Variants in RASAL1 observed in about 807,000 individuals in gnomAD.
The protein encoded by RASAL1 is rasGAP-activating-like protein 1.
Under a neutral mutation model 96.6 loss-of-function variants are expected in RASAL1, and 72 were observed. The observed-to-expected ratio is 0.75, with a 90% CI of 0.62 to 0.91. RASAL1 has a LOEUF of 0.91. Among genes scored for constraint, RASAL1 ranks in the 40% least tolerant of loss-of-function variants. RASAL1 has a pLI of 0.00. For synonymous variants in RASAL1, 405 were observed against 430.4 expected (o/e 0.94, Z 0.73); for missense variants, 1,016 against 1,072.5 (o/e 0.95, Z 0.74).
At position 113,113,812 on chromosome 12, in the gene RASAL1, C is replaced by A. The variant is rs115232526; in HGVS notation, c.1181+988G>T. On this transcript the variant is annotated intron_variant, in intron 12 of 20. Coordinates refer to ENST00000548055, the MANE Select transcript of RASAL1 (RefSeq NM_001301202.2). ...GTTCTGGAGAGAAAGGAGGAGCCCA[C>A]GGAGGGGTGGAATGACCCCCAGCCA... 5.1e-3 allele frequency among the ~76,000 whole-genome samples: 773 copies of A among 152,252 alleles called. 5 individuals carry two copies. The highest frequency in any genetic ancestry group is 0.018 in the African/African-American group (745 of 41,538).
At chr12:113,131,051 A>G (rs1298646615) in intron 1 of RASAL1, 110 bp from the exon 2 acceptor site, 2 of 777,624 alleles carry the variant, frequency 2.6e-6, no homozygotes, top group East Asian at 2.6e-5. Context: ...AGAGAAGGGG[A>G]CTTGCCCAGG....
intron 4 of RASAL1, among the ~76,000 whole-genome samples, 198 bp downstream of exon 4, chr12:113,127,614 C>A (rs1856418675): frequency 1.3e-5 from 2 of 152,208 alleles, no homozygotes; most frequent in African/African-American, 4.8e-5. Flanking sequence ...AGCACCACCG[C>A]ACTCCAGCCT....
intron 5 of RASAL1, among the ~76,000 whole-genome samples, chr12:113,121,212 G>A (rs1741533887): frequency 4.6e-5 from 7 of 152,184 alleles, no homozygotes; most frequent in Admixed American, 4.6e-4. Context: ...GCTTAAGCCA[G>A]TATGAGTTGG....
intron 12 of RASAL1, among the ~76,000 whole-genome samples, chr12:113,113,432 C>T (rs946176235): frequency 3.9e-5 from 6 of 152,186 alleles, no homozygotes; most frequent in African/African-American, 1.4e-4. Flanking sequence ...CTGTCCAGGT[C>T]CCTACATGCC....
At chr12:113,111,056 T>C (rs1180886568) in intron 13 of RASAL1, among the ~76,000 whole-genome samples, 1 of 152,158 alleles carries the variant, frequency 6.6e-6, no homozygotes, top group Non-Finnish European at 1.5e-5. Context: ...GGGGCTTCAG[T>C]TGGCCACAGT....
Position 113,099,792 on chromosome 12 carries a change from G to A in RASAL1, c.*137C>T. The stretch of plus-strand genomic sequence containing the variant: ...CTGAGTTCTGGACTCAAGGCACACA[G>A]GACTAGGCACGTCTCTGGGAGCCTC... On this transcript the variant is annotated 3_prime_UTR_variant, in exon 21 of 21. Coordinates refer to ENST00000548055, the MANE Select transcript of RASAL1 (RefSeq NM_001301202.2). 7.7e-7 allele frequency: 1 copy of A among 1,295,354 alleles called. No homozygotes were observed. The highest frequency in any genetic ancestry group is 1.1e-6 in the Non-Finnish European group (1 of 942,348). The allele number at this position is 1,295,354 out of a possible 1,614,324, so 80.2% of individuals were successfully genotyped here.
rs759275056 is a variant in RASAL1 at position 113,104,215 on chromosome 12, C to T, written c.1914G>A (p.Gln638=). The T allele has an allele frequency of 1.9e-6, 3 of 1,610,488 alleles. No homozygotes were observed. Among genetic ancestry groups the T allele is most frequent in the Admixed American group, 1.7e-5 (1 of 59,582 alleles). ...CCCCCGTGCCGTCCTGCGTCACCAC[C>T]TGCATCACGTGGGGCAGTTGGAAGG... is the stretch of plus-strand genomic sequence containing the variant. The part of the protein sequence containing the change: ...EGAFQLPHVM[Q]VVTQDGTGAL... The change falls in exon 17 of 21, where the codon CAG becomes CAA. Residue 638 remains glutamine, a synonymous_variant. Transcript: ENST00000548055.
intron 15 of RASAL1, among the ~76,000 whole-genome samples, 182 bp downstream of exon 15, chr12:113,106,915 G>A (rs906949123): frequency 2.6e-5 from 4 of 152,214 alleles, no homozygotes; most frequent in Non-Finnish European, 4.4e-5. Flanking sequence ...TGGGCCTGGA[G>A]GACAGCACCT....
At position 113,116,066 on chromosome 12, in the gene RASAL1, A is replaced by G; in HGVS notation, c.732-15T>C. 1 of 1,538,470 alleles carries G rather than the reference A, an allele frequency of 6.5e-7. No individual in the cohort carries two copies. Among genetic ancestry groups the G allele is most frequent in the Non-Finnish European group, 8.8e-7 (1 of 1,140,516 alleles). Reference sequence around the variant, plus strand: ...CCAGGTTCCCCCTGTCCAGGATCAGATCATAAGAAAATGAAAGATCTGGCC... The same window carrying G: ...CCAGGTTCCCCCTGTCCAGGATCAGGTCATAAGAAAATGAAAGATCTGGCC... On this transcript the variant is annotated splice_polypyrimidine_tract_variant and intron_variant, in intron 8 of 20. Coordinates refer to ENST00000548055, the MANE Select transcript of RASAL1 (RefSeq NM_001301202.2).
chr12:113,127,767 C>A, intron 4 of RASAL1, 45 bp downstream of exon 4: 1 of 1,563,682 alleles, frequency 6.4e-7, no homozygotes, highest in Non-Finnish European at 8.8e-7. Context: ...AAATGCCCAC[C>A]CTGGGCATGG....
intron 1 of RASAL1, among the ~76,000 whole-genome samples, chr12:113,134,166 A>G (rs1951825757): frequency 6.6e-6 from 1 of 152,200 alleles, no homozygotes; most frequent in Non-Finnish European, 1.5e-5. Flanking sequence ...TTGTCCAGCC[A>G]CTGAACTGTC....
At chr12:113,125,116 C>T (rs1333286611) in intron 4 of RASAL1, among the ~76,000 whole-genome samples, 1 of 149,388 alleles carries the variant, frequency 6.7e-6, no homozygotes, top group African/African-American at 2.5e-5. Context: ...AAAAAAAATA[C>T]ATATACATAT....
rs1951884116 is a variant in RASAL1 at position 113,135,591 on chromosome 12, C to A, written c.-129G>T. On this transcript the variant is annotated 5_prime_UTR_variant, in exon 1 of 21. Transcript: ENST00000548055. The surrounding 1 kb of genome is among the most constrained non-coding windows in gnomAD (Gnocchi z 5.7). Reference sequence around the variant, plus strand: ...TGGTCCCAGTGCCGCCTGTCCGAGACCCGGGTAGCTGGATGGGAGATTTCC... The same window carrying A: ...TGGTCCCAGTGCCGCCTGTCCGAGAACCGGGTAGCTGGATGGGAGATTTCC... 1.3e-6 allele frequency: 1 copy of A among 769,328 alleles called. No individual in the cohort carries two copies. Among genetic ancestry groups the A allele is most frequent in the Non-Finnish European group, 2.1e-6 (1 of 466,220 alleles). The allele number at this position is 769,328 out of a possible 1,614,324, so 47.7% of individuals were successfully genotyped here. A position where few individuals can be genotyped will look rare whatever the true frequency, so the allele number is the denominator to read the frequency against.
chr12:113,115,998 A>G lies in RASAL1; in HGVS notation c.785T>C (p.Leu262Pro), dbSNP rs373386228. 2.7e-5 allele frequency: 44 copies of G among 1,610,480 alleles called. No individual in the cohort carries two copies. The highest frequency in any genetic ancestry group is 3.2e-5 in the Non-Finnish European group (38 of 1,177,984). ...GAGAGGCTGGTAGCACTGGGAGGGC[A>G]GGACGCGGTCCTCAATCAGGCGTAC... ...VKVRLIEDRV[L>P]PSQCYQPLME... is the part of the protein sequence containing the mutation. Residue 262 changes from leucine to proline, a missense_variant, in exon 9 of 21, where the codon CTG (leucine) becomes CCG (proline). By Grantham distance (98) the Leu-to-Pro change is moderately conservative (BLOSUM62 -3). Coordinates refer to ENST00000548055, the MANE Select transcript of RASAL1 (RefSeq NM_001301202.2). This position sits in a 1 kb window ranked among gnomAD's most constrained non-coding sequence, Gnocchi z 4.1.
Position 113,121,631 on chromosome 12 carries a change from G to C in RASAL1, c.306C>G (p.Asp102Glu). 6.2e-7 allele frequency: 1 copy of C among 1,614,196 alleles called. No individual in the cohort carries two copies. The highest frequency in any genetic ancestry group is 8.5e-7 in the Non-Finnish European group (1 of 1,180,036). The change falls in exon 5 of 21, where the codon GAC (aspartate) becomes GAG (glutamate). Residue 102 changes from aspartate to glutamate, a missense_variant. By Grantham distance (45) the Asp-to-Glu change is conservative. Coordinates refer to ENST00000548055, the MANE Select transcript of RASAL1 (RefSeq NM_001301202.2). ...CCACTCGGCTCAAGTTAATCCAGCT[G>C]TCAATCCCTGAAGGGCACAGGCACT... ...EAITADPRGI[D>E]SWINLSRVDP...
At chr12:113,116,482 T>C (rs1951089908) in intron 8 of RASAL1, among the ~76,000 whole-genome samples, 1 of 152,036 alleles carries the variant, frequency 6.6e-6, no homozygotes, top group South Asian at 2.1e-4. Context: ...GGGCAGGTGT[T>C]TGCAAAACAA....
intron 18 of RASAL1, among the ~76,000 whole-genome samples, chr12:113,102,520 T>G (rs1198261427): frequency 6.6e-6 from 1 of 152,206 alleles, no homozygotes; most frequent in Admixed American, 6.5e-5. Flanking sequence ...ATTGCACCAG[T>G]GCATTCTAGC....
At chr12:113,112,021 C>T (rs985379674) in intron 13 of RASAL1, 65 bp downstream of exon 13, 1 of 1,214,578 alleles carries the variant, frequency 8.2e-7, no homozygotes, top group Admixed American at 4.2e-5. Flanking sequence ...TCTGTCCTGA[C>T]TCCTCCGAGT....
In RASAL1 at chr12:113,112,112, C is replaced by T; in HGVS notation, c.1348G>A (p.Glu450Lys). Residue 450 changes from glutamate (E) to lysine (K), a missense_variant, in exon 13 of 21, where the codon GAG (glutamate) becomes AAG (lysine). Glu to Lys is a moderately conservative substitution (Grantham distance 56). Transcript: ENST00000548055. Reference protein sequence around the residue: ...AFKQLHRRVEERFPQAEHQDV... With the variant: ...AFKQLHRRVEKRFPQAEHQDV... ...TGGTGCTCGGCCTGGGGGAAGCGCTCCTCCACTCGCCGGTGCAGCTGCTTG... is the reference window on the plus strand; with the variant it reads ...TGGTGCTCGGCCTGGGGGAAGCGCTTCTCCACTCGCCGGTGCAGCTGCTTG... The T allele has an allele frequency of 8.0e-7, 1 of 1,245,972 alleles. No homozygotes were observed. Among genetic ancestry groups the T allele is most frequent in the Non-Finnish European group, 1.0e-6 (1 of 990,292 alleles). The allele number at this position is 1,245,972 out of a possible 1,614,324, so 77.2% of individuals were successfully genotyped here. A position where few individuals can be genotyped will look rare whatever the true frequency, so the allele number is the denominator to read the frequency against.
Sources: allele counts gnomAD v4.1 joint callset (sites outside exome capture counted in the v4.1 genomes callset), GRCh38; gene constraint gnomAD v4.1.1; non-coding constraint Gnocchi (gnomAD v3.1); transcripts MANE v1.5; gene names NCBI Gene and HGNC (gene_info 2026-07-23, HGNC 2026-07-21).